Variants in FOXP2 observed in about 807,000 individuals in gnomAD.
The protein encoded by FOXP2 is forkhead box protein P2.
A neutral mutation model predicts 115.8 loss-of-function variants in FOXP2; 12 were observed. The ratio of observed to expected loss-of-function variants is 0.10; its 90% CI spans 0.07 to 0.17. FOXP2 has a LOEUF of 0.17. Among genes scored for constraint, FOXP2 ranks in the 10% least tolerant of loss-of-function variants. The pLI, the probability that FOXP2 is intolerant of heterozygous loss-of-function variation, is 1.00. For missense variants in FOXP2, 629 were observed against 843.5 expected (o/e 0.75, Z 3.15); for synonymous variants, 328 against 297.7 (o/e 1.10, Z -1.05).
chr7:114,668,966 C>G (rs1461748498), intron 16 of FOXP2: 1 of 151,990 alleles, frequency 6.6e-6, no homozygotes, highest in Non-Finnish European at 1.5e-5. Context: ...TTAGGAAGAA[C>G]AGATGAGTAA....
chr7:114,675,023 T>C (rs1234971719), intron 16 of FOXP2, among the ~76,000 whole-genome samples: 2 of 152,126 alleles, frequency 1.3e-5, no homozygotes, highest in South Asian at 2.1e-4. Context: ...TTCTGTGATA[T>C]GTTAAATAAA....
intron 2 of FOXP2, among the ~76,000 whole-genome samples, chr7:114,508,303 T>G (rs2129258753): frequency 6.6e-6 from 1 of 152,114 alleles, no homozygotes; most frequent in East Asian, 1.9e-4. Context: ...AAGCTTTCCC[T>G]GGCAGAGGGA....
At chr7:114,320,496 T>G (rs907947977) in intron 2 of FOXP2, among the ~76,000 whole-genome samples, 5 of 152,198 alleles carry the variant, frequency 3.3e-5, no homozygotes, top group Non-Finnish European at 1.5e-5. Context: ...ATATTGTAAC[T>G]TCTTTGTTTA....
intron 3 of FOXP2, among the ~76,000 whole-genome samples, chr7:114,578,241 C>G (rs762819047): frequency 1.3e-5 from 2 of 151,872 alleles, no homozygotes; most frequent in Non-Finnish European, 2.9e-5. Flanking sequence ...TGCGTATCTA[C>G]TCTTTTCTCC....
chr7:114,377,498 A>C (rs1792170719), intron 2 of FOXP2, among the ~76,000 whole-genome samples: 1 of 152,250 alleles, frequency 6.6e-6, no homozygotes, highest in Non-Finnish European at 1.5e-5. Context: ...TGTTCATAAC[A>C]TGAGAAGAAC....
chr7:114,396,266 A>G (rs913399020), intron 2 of FOXP2, among the ~76,000 whole-genome samples: 4 of 151,986 alleles, frequency 2.6e-5, no homozygotes, highest in African/African-American at 9.7e-5. Context: ...AGAACATGCA[A>G]CGTTTGTCTG....
At chr7:114,199,471 A>C (rs2129159235) in intron 1 of FOXP2, among the ~76,000 whole-genome samples, 1 of 152,308 alleles carries the variant, frequency 6.6e-6, no homozygotes, top group South Asian at 2.1e-4. Flanking sequence ...TATTTTTAAA[A>C]ATTCAACTAC....
chr7:114,404,901 G>A lies in FOXP2; in HGVS notation c.-10-21601G>A, dbSNP rs117358937. 5.8e-3 allele frequency among the ~76,000 whole-genome samples: 878 copies of A among 151,770 alleles called. 5 individuals carry two copies. The highest frequency in any genetic ancestry group is 9.4e-3 in the Non-Finnish European group (634 of 67,784). On this transcript the variant is annotated intron_variant, in intron 2 of 17. Coordinates refer to the FOXP2 transcript ENST00000634411. ...TGTAAACTGAAATTCCCTGCTGTTCGTGGTATTTTAGTGTTTAGCATCATT... is the reference window on the plus strand; with the variant it reads ...TGTAAACTGAAATTCCCTGCTGTTCATGGTATTTTAGTGTTTAGCATCATT...
chr7:114,300,533 A>G (rs1052127091), intron 2 of FOXP2, among the ~76,000 whole-genome samples: 4 of 152,016 alleles, frequency 2.6e-5, no homozygotes, highest in Non-Finnish European at 5.9e-5. Context: ...AAGAAAAAAT[A>G]TTAAAATAAA....
chr7:114,144,536 C>G lies in FOXP2; in HGVS notation c.-246-18408C>G, dbSNP rs180750658. 7.6e-4 allele frequency among the ~76,000 whole-genome samples: 116 copies of G among 152,140 alleles called. 1 individual carries two copies. Among genetic ancestry groups the G allele is most frequent in the Admixed American group, 6.6e-3 (101 of 15,274 alleles). On this transcript the variant is annotated intron_variant, in intron 1 of 19. Transcript: ENST00000635638. ...CCTCAAGCAGTTTGTCACAAATTTT[C>G]TGATAGTAGATCTTCTAACCATGTT...
chr7:114,646,434 A>G (rs1805899745), intron 8 of FOXP2, among the ~76,000 whole-genome samples: 1 of 152,032 alleles, frequency 6.6e-6, no homozygotes, highest in African/African-American at 2.4e-5. Context: ...ATGAACCCTC[A>G]TTTTACCTTA....
chr7:114,540,825 G>C (rs1452619554), intron 3 of FOXP2, among the ~76,000 whole-genome samples: 2 of 152,040 alleles, frequency 1.3e-5, no homozygotes, highest in Admixed American at 6.6e-5. Flanking sequence ...TAAGTAGTTT[G>C]TTTTGATCAG....
At chr7:114,687,421 T>C (rs1213406583) in intron 16 of FOXP2, among the ~76,000 whole-genome samples, 2 of 152,202 alleles carry the variant, frequency 1.3e-5, no homozygotes, top group Non-Finnish European at 2.9e-5. Flanking sequence ...AGTACACATT[T>C]ATTTCTGACT....
chr7:114,245,201 A>C (rs1029280280), intron 1 of FOXP2, among the ~76,000 whole-genome samples: 4 of 152,092 alleles, frequency 2.6e-5, no homozygotes, highest in Non-Finnish European at 5.9e-5. Flanking sequence ...GATCTACCTA[A>C]TATTAATATT....
intron 3 of FOXP2, among the ~76,000 whole-genome samples, chr7:114,609,026 C>G (rs1427767129): frequency 1.3e-5 from 2 of 151,806 alleles, no homozygotes; most frequent in African/African-American, 4.8e-5. Context: ...TGACGAAACC[C>G]CGTCTCTACT....
intron 2 of FOXP2, among the ~76,000 whole-genome samples, chr7:114,528,535 T>G (rs966661785): frequency 2.6e-5 from 4 of 152,070 alleles, no homozygotes; most frequent in African/African-American, 7.2e-5. Context: ...AACACTTTTA[T>G]GTATTTTATT....
At chr7:114,152,265 A>G (rs1792547862) in intron 1 of FOXP2, among the ~76,000 whole-genome samples, 1 of 152,118 alleles carries the variant, frequency 6.6e-6, no homozygotes, top group Non-Finnish European at 1.5e-5. Flanking sequence ...CAACATTCTA[A>G]TTTTAGTTTT....
At chr7:114,151,467 A>G (rs1792525701) in intron 1 of FOXP2, among the ~76,000 whole-genome samples, 1 of 152,028 alleles carries the variant, frequency 6.6e-6, no homozygotes, top group Non-Finnish European at 1.5e-5. Context: ...ATTGGACACT[A>G]CATACTGTTT....
At chr7:114,343,987 A>AT (rs1791275983) in intron 2 of FOXP2, among the ~76,000 whole-genome samples, 1 of 124,440 alleles carries the variant, frequency 8.0e-6, no homozygotes, top group Non-Finnish European at 1.8e-5. Flanking sequence ...TTGCACATTA[A>AT]TTTTTTTCTG....
Sources: gnomAD v4.1 joint callset for allele counts (sites outside exome capture counted in the v4.1 genomes callset) on GRCh38, gnomAD v4.1.1 for gene constraint, MANE v1.5 for transcripts, NCBI Gene and HGNC (gene_info 2026-07-23, HGNC 2026-07-21) for gene names.